SEMA6D: variants seen among roughly 807,000 people sequenced by gnomAD.
SEMA6D encodes semaphorin-6D.
Under a neutral mutation model 106.6 loss-of-function variants are expected in SEMA6D, and 35 were observed. The ratio of observed to expected loss-of-function variants is 0.33; its 90% CI spans 0.25 to 0.44. The LOEUF is 0.44. SEMA6D is among the 20% of genes least tolerant of loss of function. SEMA6D has a pLI of 1.00. For synonymous variants in SEMA6D, 499 were observed against 487.7 expected, an observed-to-expected ratio of 1.02 and a Z score of -0.31; for missense variants, 1,185 against 1,345.9, an observed-to-expected ratio of 0.88 and a Z score of 1.87.
chr15:47,656,837 G>T (rs2077806605), intron 4 of SEMA6D, among the ~76,000 whole-genome samples: 2 of 152,168 alleles, frequency 1.3e-5, no homozygotes, highest in South Asian at 4.1e-4. Flanking sequence ...AAGAGAGGAT[G>T]GTGATCAGCA....
chr15:47,771,225 G>A lies in SEMA6D; in HGVS notation c.2662G>A (p.Asp888Asn). 6.2e-7 allele frequency: 1 copy of A among 1,614,054 alleles called. No individual in the cohort carries two copies. The highest frequency in any genetic ancestry group is 8.5e-7 in the Non-Finnish European group (1 of 1,179,980). ...TLNDLLKHLN[D>N]PNSNPKAIMG... ...CAATGATCTCCTGAAGCATCTGAAT[G>A]ACCCAAATAGTAACCCCAAAGCCAT... Residue 888 changes from aspartate (D) to asparagine (N), a missense_variant, in exon 19 of 19, where the codon GAC (aspartate) becomes AAC (asparagine). Physicochemically the swap from Asp to Asn is conservative, Grantham distance 23. Around this residue, in one of 3 missense-constraint regions of SEMA6D, gnomAD observed 750 missense variants for 783.5 expected, o/e 0.96. Coordinates refer to ENST00000536845, the MANE Select transcript of SEMA6D (RefSeq NM_001358351.3).
At chr15:47,469,866 G>A (rs73388920) in intron 2 of SEMA6D, among the ~76,000 whole-genome samples, 6,753 of 152,100 alleles carry the variant, frequency 0.044, 400 homozygotes, top group African/African-American at 0.14. Context: ...CACTTAAGTT[G>A]AAAACCATTT....
At chr15:47,470,567 A>T (rs2042805996) in intron 3 of SEMA6D, 1 of 151,976 alleles carries the variant, frequency 6.6e-6, no homozygotes, top group Admixed American at 6.6e-5. Context: ...ACTTTTTTGC[A>T]ATTATGTCTC....
At chr15:47,296,320 C>A (rs2035800005) in intron 1 of SEMA6D, among the ~76,000 whole-genome samples, 1 of 152,156 alleles carries the variant, frequency 6.6e-6, no homozygotes. Flanking sequence ...TCACAGCATG[C>A]CTGCTTTTAG....
intron 3 of SEMA6D, among the ~76,000 whole-genome samples, chr15:47,499,280 T>C (rs1385149319): frequency 1.3e-5 from 2 of 152,114 alleles, no homozygotes; most frequent in African/African-American, 4.8e-5. Context: ...TCAGAAATAG[T>C]CTTTCTATCC....
At chr15:47,528,951 A>G (rs1346427338) in intron 3 of SEMA6D, among the ~76,000 whole-genome samples, 2 of 152,224 alleles carry the variant, frequency 1.3e-5, no homozygotes, top group Non-Finnish European at 2.9e-5. Context: ...GCATATGTTC[A>G]TGTTATACAT....
intron 3 of SEMA6D, among the ~76,000 whole-genome samples, chr15:47,530,680 C>A (rs962489236): frequency 2.0e-5 from 3 of 152,080 alleles, no homozygotes; most frequent in Admixed American, 6.5e-5. Context: ...AAAGCTTTCC[C>A]AAATACAAAT....
intron 1 of SEMA6D, among the ~76,000 whole-genome samples, chr15:47,249,671 A>C (rs1470980426): frequency 6.6e-6 from 1 of 152,154 alleles, no homozygotes; most frequent in East Asian, 1.9e-4. Flanking sequence ...CAGAGAAAGG[A>C]TGTGGGAAGA....
intron 3 of SEMA6D, among the ~76,000 whole-genome samples, chr15:47,476,782 A>C (rs1399597236): frequency 6.6e-6 from 1 of 152,116 alleles, no homozygotes; most frequent in Non-Finnish European, 1.5e-5. Flanking sequence ...TCCAATTCCT[A>C]GACTTTTTGC....
intron 1 of SEMA6D, among the ~76,000 whole-genome samples, chr15:47,266,178 A>G (rs1489075221): frequency 6.6e-6 from 1 of 152,006 alleles, no homozygotes; most frequent in Non-Finnish European, 1.5e-5. Flanking sequence ...CTATCTCTCC[A>G]ATGAATCTCC....
chr15:47,621,907 G>T (rs2077106517), intron 4 of SEMA6D, among the ~76,000 whole-genome samples: 1 of 152,080 alleles, frequency 6.6e-6, no homozygotes. Flanking sequence ...AGCTATTATT[G>T]GCCTTCAAGC....
intron 2 of SEMA6D, among the ~76,000 whole-genome samples, chr15:47,425,081 G>A (rs1175945691): frequency 6.6e-6 from 1 of 152,100 alleles, no homozygotes; most frequent in Non-Finnish European, 1.5e-5. Context: ...TTATTATGCA[G>A]ATAAAGTTTT....
chr15:47,373,833 G>C (rs116640532), intron 1 of SEMA6D, among the ~76,000 whole-genome samples: 1,655 of 152,170 alleles, frequency 0.011, 32 homozygotes, highest in African/African-American at 0.038. Flanking sequence ...AGTTTCCCTA[G>C]CTTTTGAACA....
intron 2 of SEMA6D, among the ~76,000 whole-genome samples, chr15:47,425,768 T>G (rs1287380727): frequency 6.6e-6 from 1 of 151,764 alleles, no homozygotes; most frequent in Non-Finnish European, 1.5e-5. Context: ...CCTCCCAGGT[T>G]CAAGCGAGGT....
At chr15:47,686,344 G>A (rs142005160) in intron 4 of SEMA6D, among the ~76,000 whole-genome samples, 1 of 152,062 alleles carries the variant, frequency 6.6e-6, no homozygotes, top group African/African-American at 2.4e-5. Context: ...AAGTGCTACC[G>A]TGACAGTTTC....
At chr15:47,370,893 G>T (rs1359161264) in intron 1 of SEMA6D, among the ~76,000 whole-genome samples, 4 of 152,010 alleles carry the variant, frequency 2.6e-5, no homozygotes, top group African/African-American at 9.7e-5. Flanking sequence ...AATGTATTAT[G>T]TTTATTTGAT....
At chr15:47,427,146 A>C (rs551651430) in intron 2 of SEMA6D, among the ~76,000 whole-genome samples, 1 of 152,270 alleles carries the variant, frequency 6.6e-6, no homozygotes, top group Non-Finnish European at 1.5e-5. Context: ...ATGACATTGC[A>C]AGTATCCATA....
chr15:47,326,710 G>A (rs1342268450), intron 1 of SEMA6D, among the ~76,000 whole-genome samples: 2 of 152,196 alleles, frequency 1.3e-5, no homozygotes, highest in Non-Finnish European at 2.9e-5. Flanking sequence ...GCTTGTTGAA[G>A]GCAAGTCAGT....
intron 3 of SEMA6D, among the ~76,000 whole-genome samples, chr15:47,478,008 A>G (rs572738708): frequency 6.6e-6 from 1 of 152,272 alleles, no homozygotes; most frequent in Admixed American, 6.5e-5. Context: ...TTCGATCCTC[A>G]TAATATCACG....
Sources: allele counts gnomAD v4.1 joint callset (sites outside exome capture counted in the v4.1 genomes callset), GRCh38; gene constraint gnomAD v4.1.1; regional missense constraint gnomAD v4.1.1; transcripts MANE v1.5; gene names NCBI Gene and HGNC (gene_info 2026-07-23, HGNC 2026-07-21).